The following SHANK2 variants were observed in gnomAD, a reference collection of about 807,000 sequenced individuals.
SHANK2 encodes the protein SH3 and multiple ankyrin repeat domains 2.
SHANK2 carries 43 observed loss-of-function variants against 133.7 expected under a neutral mutation model. The ratio of observed to expected loss-of-function variants is 0.32; its 90% confidence interval spans 0.25 to 0.41. The LOEUF (loss-of-function observed/expected upper bound fraction) is 0.41. SHANK2 is among the 10% of genes least tolerant of loss of function. The probability of loss-of-function intolerance (pLI) is 1.00; values close to 1 mark genes in which losing one functional copy is unlikely to be tolerated. For missense variants in SHANK2, 1,994 were observed against 2,235.8 expected, an observed-to-expected ratio of 0.89 and a Z score of 2.18; for synonymous variants, 1,017 against 952.8, an observed-to-expected ratio of 1.07 and a Z score of -1.24.
At chr11:70,863,744 G>C (rs1949301514) in intron 11 of SHANK2, 2 of 447,442 alleles carry the variant, frequency 4.5e-6, no homozygotes, top group Non-Finnish European at 9.0e-6. Context: ...CAGCTACAGA[G>C]AGTCTTTAAA....
chr11:70,504,405 G>A (rs375194101), intron 17 of SHANK2, among the ~76,000 whole-genome samples: 14 of 127,182 alleles, frequency 1.1e-4, no homozygotes, highest in African/African-American at 2.3e-4. Context: ...GGTCACCTAC[G>A]AGACGGCTGC....
At position 70,946,741 on chromosome 11, in the gene SHANK2, A is replaced by C. The variant is rs376199465; in HGVS notation, c.1108-50174T>G. 1.9e-3 allele frequency among the ~76,000 whole-genome samples: 266 copies of C among 137,192 alleles called. 3 individuals are homozygous for C. The highest frequency in any genetic ancestry group is 6.2e-3 in the African/African-American group (223 of 35,780). 90.0% of individuals were successfully genotyped at this position (137,192 alleles called of 152,430 possible). A position where few individuals can be genotyped will look rare whatever the true frequency, so the allele number is the denominator to read the frequency against. On this transcript the variant is annotated intron_variant, in intron 10 of 25. Coordinates refer to ENST00000601538, the MANE Select transcript of SHANK2 (RefSeq NM_012309.5). ...CACTAACCAACCCTTCCCTAGGCTC[A>C]ACCTCCCTCTCCACTAACCAACCCT...
chr11:70,925,503 G>A (rs1218853285), intron 10 of SHANK2, among the ~76,000 whole-genome samples: 1 of 152,196 alleles, frequency 6.6e-6, no homozygotes, highest in East Asian at 1.9e-4. Context: ...ATGCACCTGT[G>A]CAAAAGTCAG....
At chr11:71,191,795 G>T (rs896055774) in intron 2 of SHANK2, among the ~76,000 whole-genome samples, 2 of 152,010 alleles carry the variant, frequency 1.3e-5, no homozygotes, top group Non-Finnish European at 2.9e-5. Flanking sequence ...CTGGCCTCAG[G>T]TGCCTGCCTC....
intron 11 of SHANK2, among the ~76,000 whole-genome samples, chr11:70,837,203 A>T (rs1948831982): frequency 6.6e-6 from 1 of 152,224 alleles, no homozygotes; most frequent in Non-Finnish European, 1.5e-5. Flanking sequence ...AGGCAGACTG[A>T]GCATGCCACT....
intron 17 of SHANK2, among the ~76,000 whole-genome samples, chr11:70,599,897 G>GAAAGAAAGAA (rs2060460871): frequency 1.1e-5 from 1 of 89,468 alleles, no homozygotes; most frequent in African/African-American, 4.5e-5. Flanking sequence ...GAAAAAGAAA[G>GAAAGAAAGAA]AAAGAAAGAG....
At chr11:70,601,914 G>A (rs1327555681) in intron 17 of SHANK2, among the ~76,000 whole-genome samples, 2 of 152,238 alleles carry the variant, frequency 1.3e-5, no homozygotes, top group Admixed American at 6.5e-5. Context: ...CAGGAGACCT[G>A]CCACCCAGGT....
At chr11:70,890,476 TA>T (rs60962829) in intron 11 of SHANK2, among the ~76,000 whole-genome samples, 127,787 of 142,452 alleles carry the variant, frequency 0.9, 58,171 homozygotes, top group Non-Finnish European at 0.98. Context: ...CTGTCTCTAC[TA>T]AAAAAAAAAA....
chr11:71,074,344 G>C (rs1252355753), intron 9 of SHANK2, among the ~76,000 whole-genome samples: 1 of 152,136 alleles, frequency 6.6e-6, no homozygotes, highest in Non-Finnish European at 1.5e-5. Flanking sequence ...GTGTCTGATG[G>C]GCAGGCACAC....
intron 3 of SHANK2, among the ~76,000 whole-genome samples, chr11:71,142,395 G>A (rs2135386606): frequency 6.6e-6 from 1 of 152,294 alleles, no homozygotes; most frequent in South Asian, 2.1e-4. Context: ...CAGCTACTCA[G>A]GAGGCTGAGG....
intron 17 of SHANK2, among the ~76,000 whole-genome samples, chr11:70,593,928 G>A (rs537235357): frequency 1.3e-5 from 2 of 152,228 alleles, no homozygotes; most frequent in South Asian, 4.2e-4. Context: ...TGCACATGTG[G>A]GACCTGCTGG....
chr11:70,542,574 C>T (rs2059636483), intron 17 of SHANK2, among the ~76,000 whole-genome samples: 1 of 152,192 alleles, frequency 6.6e-6, no homozygotes, highest in Non-Finnish European at 1.5e-5. Flanking sequence ...TGGGACACGG[C>T]CATAGCCTCC....
chr11:71,183,281 TGA>T (rs1205210185), intron 2 of SHANK2, among the ~76,000 whole-genome samples: 36 of 152,096 alleles, frequency 2.4e-4, no homozygotes, highest in Non-Finnish European at 8.8e-5. Context: ...AGGCTGAGGA[TGA>T]GACCCTGGAT....
intron 2 of SHANK2, among the ~76,000 whole-genome samples, chr11:71,166,472 TC>T (rs1953152078): frequency 6.8e-6 from 1 of 146,958 alleles, no homozygotes; most frequent in Admixed American, 6.7e-5. Context: ...AATCCACACG[TC>T]TTTTTTTTCT....
chr11:71,154,832 G>A (rs1344725392), intron 2 of SHANK2, among the ~76,000 whole-genome samples: 3 of 110,150 alleles, frequency 2.7e-5, no homozygotes, highest in East Asian at 2.8e-4. Flanking sequence ...CCCAGCCCAC[G>A]CTCCCAGAGG....
intron 17 of SHANK2, among the ~76,000 whole-genome samples, chr11:70,613,188 CT>C (rs1163832910): frequency 6.6e-6 from 1 of 152,022 alleles, no homozygotes; most frequent in Non-Finnish European, 1.5e-5. Flanking sequence ...AGATTTGGGA[CT>C]TTTTTTCATG....
chr11:70,610,687 C>A (rs2060646363), intron 17 of SHANK2, among the ~76,000 whole-genome samples: 2 of 152,200 alleles, frequency 1.3e-5, no homozygotes, highest in Non-Finnish European at 2.9e-5. Flanking sequence ...CCGGAGAATT[C>A]CGTGGGGCAG....
intron 11 of SHANK2, among the ~76,000 whole-genome samples, chr11:70,861,562 A>G (rs1252897894): frequency 6.6e-6 from 1 of 151,582 alleles, no homozygotes; most frequent in Admixed American, 6.6e-5. Context: ...TTTTTGGGTT[A>G]ATTTTTTTTT....
In SHANK2 at chr11:70,491,531, C is replaced by T. The variant is rs1165689947; in HGVS notation, c.2439+804G>A. 3.9e-5 allele frequency among the ~76,000 whole-genome samples: 6 copies of T among 152,266 alleles called. No homozygotes were observed. In the East Asian group the frequency reaches 1.2e-3, roughly 29 times the overall value. ...TTGTTTAATGCACATTACAGAAAAG[C>T]CTTGTGGTAAATTTATAATATTTAT... On this transcript the variant is annotated intron_variant, in intron 22 of 25. Transcript: ENST00000601538.
Sources: allele counts gnomAD v4.1 joint callset (sites outside exome capture counted in the v4.1 genomes callset), GRCh38; gene constraint gnomAD v4.1.1; transcripts MANE v1.5; gene names NCBI Gene and HGNC (gene_info 2026-07-23, HGNC 2026-07-21).